Variants in CADM2 observed in about 807,000 individuals in gnomAD.
CADM2 encodes cell adhesion molecule 2.
CADM2 carries 12 observed loss-of-function variants against 49.8 expected under a neutral mutation model. The ratio of observed to expected loss-of-function variants is 0.24; its 90% confidence interval spans 0.15 to 0.39. CADM2 has a LOEUF of 0.39. Among genes scored for constraint, CADM2 ranks in the 10% least tolerant of loss-of-function variants. The probability of loss-of-function intolerance (pLI) is 1.00; values close to 1 mark genes in which losing one functional copy is unlikely to be tolerated. For missense variants in CADM2, 378 were observed against 492.3 expected (o/e 0.77, Z 2.20); for synonymous variants, 214 against 175.4 (o/e 1.22, Z -1.74).
At chr3:85,532,198 AAAAT>A (rs141705873) in intron 1 of CADM2, among the ~76,000 whole-genome samples, 33,308 of 151,560 alleles carry the variant, frequency 0.22, 4,137 homozygotes, top group East Asian at 0.31. Flanking sequence ...TAATAATAAA[AAAAT>A]AAAAATAGTG....
At chr3:85,336,948 T>C (rs1393400064) in intron 1 of CADM2, among the ~76,000 whole-genome samples, 1 of 49,710 alleles carries the variant, frequency 2.0e-5, no homozygotes, top group African/African-American at 4.0e-5. Flanking sequence ...TAAATATATA[T>C]ATATTTAATA....
At chr3:85,352,887 G>A (rs990602257) in intron 1 of CADM2, among the ~76,000 whole-genome samples, 1 of 152,048 alleles carries the variant, frequency 6.6e-6, no homozygotes, top group Non-Finnish European at 1.5e-5. Context: ...CAGACACAAT[G>A]CTATGCTGCT....
At chr3:85,444,441 A>AGT (rs920856846) in intron 1 of CADM2, among the ~76,000 whole-genome samples, 7 of 105,076 alleles carry the variant, frequency 6.7e-5, no homozygotes, top group African/African-American at 2.0e-4. Flanking sequence ...TTTCCTACAC[A>AGT]CTCACACACA....
At chr3:85,151,720 TGTTATA>T (rs1201235098) in intron 1 of CADM2, among the ~76,000 whole-genome samples, 1 of 152,178 alleles carries the variant, frequency 6.6e-6, no homozygotes, top group Admixed American at 6.5e-5. Flanking sequence ...TACATTCATT[TGTTATA>T]GTTTGGGAGG....
intron 8 of CADM2, among the ~76,000 whole-genome samples, chr3:86,049,161 CTTCTGA>C (rs1737037849): frequency 1.3e-5 from 2 of 152,104 alleles, no homozygotes; most frequent in South Asian, 4.1e-4. Context: ...GATATTAACA[CTTCTGA>C]TTCTAAGTGA....
At chr3:85,652,772 C>CTTTTTTTTTTTTTTTTTTTTTTTGT (rs2065085513) in intron 1 of CADM2, among the ~76,000 whole-genome samples, 1 of 50,782 alleles carries the variant, frequency 2.0e-5, no homozygotes, top group Non-Finnish European at 3.5e-5. Context: ...TTTTTCTTTT[C>CTTTTTTTTTTTTTTTTTTTTTTTGT]TTTTTTTTTT....
At chr3:85,556,042 A>G (rs1223190621) in intron 1 of CADM2, among the ~76,000 whole-genome samples, 7 of 152,132 alleles carry the variant, frequency 4.6e-5, no homozygotes, top group African/African-American at 1.7e-4. Flanking sequence ...ACCCCCATGT[A>G]GTTGAAAATC....
At chr3:86,009,539 A>G (rs1577936708) in intron 8 of CADM2, among the ~76,000 whole-genome samples, 1 of 151,840 alleles carries the variant, frequency 6.6e-6, no homozygotes, top group African/African-American at 2.4e-5. Flanking sequence ...ACTTGAAACA[A>G]TAGTTATATA....
intron 1 of CADM2, among the ~76,000 whole-genome samples, chr3:85,644,184 C>T (rs114011108): frequency 0.018 from 2,744 of 152,224 alleles, 36 homozygotes; most frequent in Non-Finnish European, 0.027. Context: ...GTCTTCCAGG[C>T]TTACAGACGA....
In CADM2 at chr3:85,288,791, C is replaced by CCCG. The variant is rs1171784780; in HGVS notation, c.61+329125_61+329126insGCC. Among the ~76,000 whole-genome samples the CCCG allele has an allele frequency of 7.5e-5, 10 of 133,950 alleles. 1 individual carries two copies. The highest frequency in any genetic ancestry group is 1.5e-4 in the Non-Finnish European group (9 of 60,358). 87.9% of individuals were successfully genotyped at this position (133,950 alleles called of 152,430 possible). A position where few individuals can be genotyped will look rare whatever the true frequency, so the allele number is the denominator to read the frequency against. Reference sequence around the variant, plus strand: ...ATTCTGCTTTACCAATATGCCCCCCCCCCCTCTTTTTTTCCATCATGGCTA... The same window carrying CCCG: ...ATTCTGCTTTACCAATATGCCCCCCCCCGCCCCTCTTTTTTTCCATCATGGCTA... On this transcript the variant is annotated intron_variant, in intron 1 of 9. Transcript: ENST00000383699.
At chr3:85,364,948 A>G (rs906149289) in intron 1 of CADM2, among the ~76,000 whole-genome samples, 1 of 152,212 alleles carries the variant, frequency 6.6e-6, no homozygotes, top group Non-Finnish European at 1.5e-5. Context: ...TTAAGATTCT[A>G]TAGCATTGGA....
intron 1 of CADM2, among the ~76,000 whole-genome samples, chr3:85,521,652 G>A (rs1016532786): frequency 1.3e-5 from 2 of 152,018 alleles, no homozygotes. Flanking sequence ...AAGACACAAT[G>A]GGCATTTAAG....
intron 8 of CADM2, among the ~76,000 whole-genome samples, chr3:86,043,363 A>T (rs1736208475): frequency 1.3e-5 from 2 of 152,344 alleles, no homozygotes; most frequent in African/African-American, 4.8e-5. Context: ...CCTTAAGCTG[A>T]TAAGCAACTT....
intron 8 of CADM2, chr3:86,012,781 C>G (rs1731700323): frequency 3.3e-6 from 2 of 614,414 alleles, no homozygotes; most frequent in Non-Finnish European, 5.8e-6. Context: ...TCGAGACCAT[C>G]CTGGCTAACA....
intron 2 of CADM2, among the ~76,000 whole-genome samples, chr3:85,790,775 C>G (rs1271362258): frequency 6.6e-6 from 1 of 152,128 alleles, no homozygotes; most frequent in Admixed American, 6.5e-5. Context: ...CTTGCAAGAC[C>G]CAGCTGCCAG....
At chr3:85,413,090 G>A (rs1166047303) in intron 1 of CADM2, among the ~76,000 whole-genome samples, 12 of 124,524 alleles carry the variant, frequency 9.6e-5, no homozygotes, top group African/African-American at 6.2e-5. Context: ...GCAGTGAGCC[G>A]AGATCGCACC....
At chr3:85,883,783 A>G (rs1411913755) in intron 4 of CADM2, among the ~76,000 whole-genome samples, 2 of 152,184 alleles carry the variant, frequency 1.3e-5, no homozygotes, top group Admixed American at 1.3e-4. Context: ...CTTTTACGAC[A>G]TGACACAATA....
intron 1 of CADM2, among the ~76,000 whole-genome samples, chr3:85,331,276 A>G (rs1381145814): frequency 6.6e-6 from 1 of 151,748 alleles, no homozygotes; most frequent in Non-Finnish European, 1.5e-5. Context: ...CTTTATTCCT[A>G]ACTCCCACTA....
chr3:85,981,096 A>G (rs1368761071), intron 8 of CADM2, among the ~76,000 whole-genome samples: 2 of 151,280 alleles, frequency 1.3e-5, no homozygotes, highest in Non-Finnish European at 3.0e-5. Flanking sequence ...AAAATATTAC[A>G]TGTGGTCTTC....
Sources: gnomAD v4.1 joint callset for allele counts (sites outside exome capture counted in the v4.1 genomes callset) on GRCh38, gnomAD v4.1.1 for gene constraint, MANE v1.5 for transcripts, NCBI Gene and HGNC (gene_info 2026-07-23, HGNC 2026-07-21) for gene names.